The following STARD9 variants were observed in gnomAD, a reference collection of about 807,000 sequenced individuals.
The protein encoded by STARD9 is stAR-related lipid transfer protein 9.
STARD9 carries 346 observed loss-of-function variants against 399.8 expected under a neutral mutation model. The observed-to-expected ratio is 0.87, with a 90% CI of 0.79 to 0.95. The LOEUF is 0.95. STARD9 is among the 40% of genes least tolerant of loss of function. The pLI, the probability that STARD9 is intolerant of heterozygous loss-of-function variation, is 0.00. For missense variants in STARD9, 5,832 were observed against 5,667.5 expected (o/e 1.03, Z -0.93); for synonymous variants, 2,203 against 2,143.5 (o/e 1.03, Z -0.77).
chr15:42,604,483 A>G (rs372244776), intron 3 of STARD9, among the ~76,000 whole-genome samples: 4 of 152,298 alleles, frequency 2.6e-5, no homozygotes, highest in Non-Finnish European at 5.9e-5. Flanking sequence ...GACAGATACT[A>G]AAGAGAGAAT....
At chr15:42,584,360 T>C (rs1181032877) in intron 2 of STARD9, among the ~76,000 whole-genome samples, 1 of 152,230 alleles carries the variant, frequency 6.6e-6, no homozygotes, top group Non-Finnish European at 1.5e-5. Context: ...TTCTCTGCTG[T>C]CTCTTATTTA....
In STARD9 at chr15:42,685,847, GTC is replaced by G; in HGVS notation, c.4275_4276del (p.Trp1426GlyfsTer11). On this transcript the variant is annotated frameshift_variant, in exon 23 of 33. Coordinates refer to ENST00000290607, the MANE Select transcript of STARD9 (RefSeq NM_020759.3). LOFTEE classifies it high-confidence loss of function. Reference sequence around the variant, plus strand: ...CCTCTGCTGCTGATACGTCTAGGCTGTCTCTCTGGGGAATTCAAAGGCTTATT... The same window carrying G: ...CCTCTGCTGCTGATACGTCTAGGCTGTCTCTGGGGAATTCAAAGGCTTATT... ...TASAADTSRLSLWGIQRLIQP... is the reference protein window; with the variant it reads ...TASAADTSRLXLWGIQRLIQP... 6.5e-7 allele frequency: 1 copy of G among 1,537,166 alleles called. No individual in the cohort carries two copies. The highest frequency in any genetic ancestry group is 2.4e-5 in the East Asian group (1 of 40,926).
rs1478423637 is a variant in STARD9, at chr15:42,694,002, T to C, written c.12424T>C (p.Phe4142Leu). 3 of 1,517,918 alleles carry C rather than the reference T, an allele frequency of 2.0e-6. No individual in the cohort carries two copies. The highest frequency in any genetic ancestry group is 2.6e-6 in the Non-Finnish European group (3 of 1,136,572). The allele number at this position is 1,517,918 out of a possible 1,614,324, so 94.0% of individuals were successfully genotyped here. The change falls in exon 23 of 33, where the codon TTT (phenylalanine) becomes CTT (leucine). Residue 4142 changes from phenylalanine (F) to leucine (L), a missense_variant. Phe to Leu is a conservative substitution (Grantham distance 22). Coordinates refer to ENST00000290607, the MANE Select transcript of STARD9 (RefSeq NM_020759.3). The part of the protein sequence containing the change: ...SLRDLPVHNK[F>L]SNWCGVQKGS... ...GAGGGACCTCCCGGTGCATAACAAATTTAGTAACTGGTGTGGGGTTCAGAA... is the reference window on the plus strand; with the variant it reads ...GAGGGACCTCCCGGTGCATAACAAACTTAGTAACTGGTGTGGGGTTCAGAA...
chr15:42,640,628 T>G (rs1252038030), intron 7 of STARD9, among the ~76,000 whole-genome samples: 1 of 152,020 alleles, frequency 6.6e-6, no homozygotes, highest in East Asian at 1.9e-4. Flanking sequence ...GAGACCATCC[T>G]GGCCAACATA....
Position 42,718,824 on chromosome 15 carries a change from C to A in STARD9, c.13915C>A (p.Arg4639Ser). 1.3e-6 allele frequency: 2 copies of A among 1,537,198 alleles called. No homozygotes were observed. The highest frequency in any genetic ancestry group is 1.7e-6 in the Non-Finnish European group (2 of 1,146,888). ...SMPRPSRKMV[R>S]GEILPSAWIL... ...GCCAAGACCCAGCAGAAAAATGGTT[C>A]GCGGGGAGATCCTGCCCAGTGCCTG... is the stretch of plus-strand genomic sequence containing the variant. The change falls in exon 32 of 33, where the codon CGC (arginine) becomes AGC (serine). Residue 4639 changes from arginine (R) to serine (S), a missense_variant. By Grantham distance (110) the Arg-to-Ser change is moderately radical. Coordinates refer to ENST00000290607, the MANE Select transcript of STARD9 (RefSeq NM_020759.3).
Position 42,682,368 on chromosome 15 carries a change from A to G in STARD9, c.2330A>G (p.Lys777Arg), listed in dbSNP as rs750101879. The change falls in exon 22 of 33, where the codon AAA (lysine) becomes AGA (arginine). Residue 777 changes from lysine to arginine, a missense_variant. Transcript: ENST00000290607. Reference protein sequence around the residue: ...KVSFQLERIIKKQRLLEAQKR... With the variant: ...KVSFQLERIIRKQRLLEAQKR... ...TCATTCCAGCTAGAGAGAATCATCA[A>G]AAAGCAGAGGCTGCTGGAGGCCCAG... 1 of 1,537,272 alleles carries G rather than the reference A, an allele frequency of 6.5e-7. No individual in the cohort carries two copies. The highest frequency in any genetic ancestry group is 1.2e-5 in the South Asian group (1 of 84,064).
chr15:42,588,574 C>A (rs1442531197), intron 3 of STARD9, among the ~76,000 whole-genome samples: 1 of 151,910 alleles, frequency 6.6e-6, no homozygotes, highest in Non-Finnish European at 1.5e-5. Context: ...GCCAGAGGTC[C>A]CAGAGTGGTG....
intron 26 of STARD9, among the ~76,000 whole-genome samples, chr15:42,703,916 A>G (rs2061021993): frequency 6.6e-6 from 1 of 151,462 alleles, no homozygotes; most frequent in Non-Finnish European, 1.5e-5. Context: ...TTACTTATTT[A>G]TTTATTTTGA....
chr15:42,623,204 A>C (rs553969178), intron 3 of STARD9, among the ~76,000 whole-genome samples: 13 of 152,174 alleles, frequency 8.5e-5, no homozygotes, highest in Admixed American at 8.5e-4. Context: ...GTGAGCTGAG[A>C]TTGTGCCATT....
At chr15:42,663,033 C>T (rs1373333483) in intron 11 of STARD9, 142 bp downstream of exon 11, 1 of 751,436 alleles carries the variant, frequency 1.3e-6, no homozygotes, top group South Asian at 1.9e-5. Flanking sequence ...GATATTTGTC[C>T]TTGGTTTTAG....
intron 20 of STARD9, among the ~76,000 whole-genome samples, chr15:42,679,195 G>A (rs2060375384): frequency 6.6e-6 from 1 of 152,202 alleles, no homozygotes; most frequent in African/African-American, 2.4e-5. Flanking sequence ...GCTCATGTTT[G>A]TAATTCAGCC....
intron 16 of STARD9, chr15:42,670,806 T>G (rs187413984): frequency 4.6e-5 from 7 of 152,336 alleles, no homozygotes; most frequent in East Asian, 1.9e-4. Flanking sequence ...ATAAATTTTC[T>G]TAGTGAAAGT....
At chr15:42,716,647 G>A (rs1224431761) in intron 26 of STARD9, 30 bp from the exon 27 acceptor site, 27 of 1,396,100 alleles carry the variant, frequency 1.9e-5, no homozygotes, top group Non-Finnish European at 2.6e-5. Flanking sequence ...TTGCCTTCTG[G>A]CTCTGTCCTG....
chr15:42,610,295 A>C (rs1233172240), intron 3 of STARD9, among the ~76,000 whole-genome samples: 1 of 152,080 alleles, frequency 6.6e-6, no homozygotes, highest in Non-Finnish European at 1.5e-5. Flanking sequence ...GGTTCTAGCC[A>C]GTGGGTTATT....
intron 3 of STARD9, among the ~76,000 whole-genome samples, chr15:42,607,563 A>G (rs954863097): frequency 6.9e-4 from 105 of 151,402 alleles, no homozygotes; most frequent in African/African-American, 2.4e-3. Context: ...TAGGAATTCC[A>G]GTTTCATATT....
rs999928046 is a variant in STARD9, at chr15:42,687,904, C to T, written c.6326C>T (p.Pro2109Leu). 2.0e-6 allele frequency: 3 copies of T among 1,537,212 alleles called. No homozygotes were observed. The highest frequency in any genetic ancestry group is 2.6e-6 in the Non-Finnish European group (3 of 1,146,920). ...CCAGACAGCTCTGGAAACCCTTTGC[C>T]CTCTAAGGATCAGCCATCTTCTCCA... ...FRPDSSGNPL[P>L]SKDQPSSPRQ... The change falls in exon 23 of 33, where the codon CCC becomes CTC. Residue 2109 changes from proline (P) to leucine (L), a missense_variant. Pro to Leu is a moderately conservative substitution (Grantham distance 98). Coordinates refer to ENST00000290607, the MANE Select transcript of STARD9 (RefSeq NM_020759.3).
chr15:42,678,391 C>G (rs2060356125), intron 20 of STARD9, among the ~76,000 whole-genome samples: 1 of 152,184 alleles, frequency 6.6e-6, no homozygotes, highest in Non-Finnish European at 1.5e-5. Flanking sequence ...GGAGCTAGCT[C>G]CAGAGCCAGG....
At chr15:42,652,931 G>A (rs894345824) in intron 9 of STARD9, among the ~76,000 whole-genome samples, 1 of 152,106 alleles carries the variant, frequency 6.6e-6, no homozygotes, top group African/African-American at 2.4e-5. Flanking sequence ...ACCTGGCTCG[G>A]CCTGCCTAAG....
At chr15:42,699,108 T>C (rs2140325380) in intron 26 of STARD9, among the ~76,000 whole-genome samples, 1 of 152,320 alleles carries the variant, frequency 6.6e-6, no homozygotes, top group East Asian at 1.9e-4. Context: ...CACATATGCA[T>C]TGCATAATGA....
Sources: gnomAD v4.1 joint callset for allele counts (sites outside exome capture counted in the v4.1 genomes callset) on GRCh38, gnomAD v4.1.1 for gene constraint, MANE v1.5 for transcripts, NCBI Gene and HGNC (gene_info 2026-07-23, HGNC 2026-07-21) for gene names.